The following NEURL1 variants were observed in gnomAD, a reference collection of about 807,000 sequenced individuals.
NEURL1 encodes the protein neuralized E3 ubiquitin protein ligase 1, also known as E3 ubiquitin-protein ligase NEURL1.
In NEURL1, 26 loss-of-function variants were observed where a neutral mutation model predicts 41.2. The ratio of observed to expected loss-of-function variants is 0.63; its 90% CI spans 0.46 to 0.87. NEURL1 has a LOEUF of 0.87. Among genes scored for constraint, NEURL1 ranks in the 40% least tolerant of loss-of-function variants. The pLI is 0.00. For missense variants in NEURL1, 761 were observed against 871.1 expected, an observed-to-expected ratio of 0.87 and a Z score of 1.59; for synonymous variants, 400 against 402.3, an observed-to-expected ratio of 0.99 and a Z score of 0.07.
At chr10:103,562,690 G>T (rs557245350) in intron 1 of NEURL1, among the ~76,000 whole-genome samples, 1 of 152,180 alleles carries the variant, frequency 6.6e-6, no homozygotes, top group Admixed American at 6.5e-5. Context: ...CTCTGTTAGG[G>T]GGCTGATGGG....
intron 1 of NEURL1, among the ~76,000 whole-genome samples, chr10:103,540,452 G>C (rs913248063): frequency 3.0e-4 from 38 of 128,614 alleles, no homozygotes; most frequent in Non-Finnish European, 6.6e-4. Flanking sequence ...ACCACACCTG[G>C]CTAATTTTTG....
At chr10:103,577,722 C>T (rs1477715202) in intron 3 of NEURL1, 1 of 152,230 alleles carries the variant, frequency 6.6e-6, no homozygotes. Flanking sequence ...GCCACCAGGG[C>T]CCCAGCAGTG....
chr10:103,549,688 C>G (rs2034994638), intron 1 of NEURL1, among the ~76,000 whole-genome samples: 1 of 152,236 alleles, frequency 6.6e-6, no homozygotes, highest in African/African-American at 2.4e-5. Flanking sequence ...GGGGCTGCCT[C>G]CCAGCTCCTC....
intron 4 of NEURL1, among the ~76,000 whole-genome samples, chr10:103,585,950 GA>G (rs1257260568): frequency 6.6e-6 from 1 of 151,938 alleles, no homozygotes; most frequent in Non-Finnish European, 1.5e-5. Context: ...GTCCAAATGA[GA>G]AAAAAAGGTT....
At chr10:103,574,533 T>A (rs1274792693) in intron 3 of NEURL1, among the ~76,000 whole-genome samples, 1 of 151,916 alleles carries the variant, frequency 6.6e-6, no homozygotes, top group Non-Finnish European at 1.5e-5. Context: ...GGTTTAAACA[T>A]AAAAGGAGGC....
intron 3 of NEURL1, among the ~76,000 whole-genome samples, chr10:103,582,407 C>G (rs538939461): frequency 6.6e-6 from 1 of 152,326 alleles, no homozygotes; most frequent in African/African-American, 2.4e-5. Flanking sequence ...TGCACCATCA[C>G]TGTCACAGAG....
intron 1 of NEURL1, among the ~76,000 whole-genome samples, chr10:103,536,542 GTC>G (rs147819320): frequency 4.0e-5 from 6 of 150,814 alleles, no homozygotes; most frequent in African/African-American, 4.9e-5. Flanking sequence ...GAAACTGCAT[GTC>G]TCTCTCTCTC....
intron 1 of NEURL1, among the ~76,000 whole-genome samples, chr10:103,531,874 T>C (rs926761776): frequency 6.6e-6 from 1 of 152,184 alleles, no homozygotes; most frequent in African/African-American, 2.4e-5. Context: ...GGATGCTCCA[T>C]TGTTTGGCAC....
At chr10:103,513,246 C>G (rs1405399644) in intron 1 of NEURL1, among the ~76,000 whole-genome samples, 1 of 152,256 alleles carries the variant, frequency 6.6e-6, no homozygotes, top group Non-Finnish European at 1.5e-5. Flanking sequence ...CAAGCAGGCA[C>G]ATTTTCATTT....
intron 1 of NEURL1, among the ~76,000 whole-genome samples, chr10:103,565,085 G>A (rs1300115004): frequency 6.6e-6 from 1 of 152,180 alleles, no homozygotes; most frequent in East Asian, 1.9e-4. Flanking sequence ...GTGGACAGGA[G>A]AGGACAGAAC....
At chr10:103,543,052 G>A (rs1293569563) in intron 1 of NEURL1, among the ~76,000 whole-genome samples, 3 of 152,162 alleles carry the variant, frequency 2.0e-5, no homozygotes, top group African/African-American at 4.8e-5. Flanking sequence ...GTTTGAAGGC[G>A]CTGCTATAAA....
rs1248287237 is a variant in NEURL1 at position 103,590,141 on chromosome 10, C to A, written c.1494C>A (p.Ala498=). 2 of 1,613,772 alleles carry A rather than the reference C, an allele frequency of 1.2e-6. No individual in the cohort carries two copies. Among genetic ancestry groups the A allele is most frequent in the Admixed American group, 3.3e-5 (2 of 60,034 alleles). The stretch of plus-strand genomic sequence containing the variant: ...GTGCCCCCTTGTCCTCAGGGACAGC[C>A]CCCAATTCGCCAGTGAGCCTGCCCG... ...GPLGSSAGGT[A]PNSPVSLPES... The change falls in exon 6 of 6, where the codon GCC becomes GCA. Residue 498 remains alanine (A), a synonymous_variant. Coordinates refer to ENST00000369780, the MANE Select transcript of NEURL1 (RefSeq NM_004210.5).
At chr10:103,503,328 G>A (rs1228446375) in intron 1 of NEURL1, among the ~76,000 whole-genome samples, 1 of 152,170 alleles carries the variant, frequency 6.6e-6, no homozygotes. Flanking sequence ...ACACTTGTAG[G>A]GGGTAAGAGG....
Position 103,584,526 on chromosome 10 carries a change from T to C in NEURL1, c.650-10T>C. The C allele has an allele frequency of 7.4e-7, 1 of 1,351,772 alleles. No homozygotes were observed. 83.7% of individuals were successfully genotyped at this position (1,351,772 alleles called of 1,614,324 possible). A position where few individuals can be genotyped will look rare whatever the true frequency, so the allele number is the denominator to read the frequency against. ...GCCCTGCGTGACACTGCCCCGTGTCTCCCGCGCAGATAGCGAGCTGGTGCT... is the reference window on the plus strand; with the variant it reads ...GCCCTGCGTGACACTGCCCCGTGTCCCCCGCGCAGATAGCGAGCTGGTGCT... On this transcript the variant is annotated splice_polypyrimidine_tract_variant and intron_variant, in intron 3 of 5. Coordinates refer to ENST00000369780, the MANE Select transcript of NEURL1 (RefSeq NM_004210.5).
rs199507586 is a variant in NEURL1, at chr10:103,559,846, GCA to G, written c.86-11015_86-11014del. Among the ~76,000 whole-genome samples, 1,132 of 143,622 alleles carry G rather than the reference GCA, an allele frequency of 7.9e-3. 35 individuals carry two copies. The East Asian group carries it at 0.12, about 15-fold the overall frequency. The allele number at this position is 143,622 out of a possible 152,430, so 94.2% of individuals were successfully genotyped here. On this transcript the variant is annotated intron_variant, in intron 1 of 5. Transcript: ENST00000369780. ...CCAGTGCATGCACACACATATGTGC[GCA>G]CACACACACATGTACATGTACACAT...
chr10:103,503,627 G>A (rs1055156912), intron 1 of NEURL1, among the ~76,000 whole-genome samples: 10 of 152,206 alleles, frequency 6.6e-5, no homozygotes, highest in Admixed American at 1.3e-4. Context: ...TCCTGGGCAC[G>A]CCGATACGGT....
chr10:103,574,032 A>C (rs2035604433), intron 3 of NEURL1, among the ~76,000 whole-genome samples: 2 of 152,066 alleles, frequency 1.3e-5, no homozygotes, highest in African/African-American at 4.8e-5. Flanking sequence ...TCCAGAGTGG[A>C]GGCTTCTGCC....
intron 1 of NEURL1, among the ~76,000 whole-genome samples, chr10:103,557,418 TC>T (rs2035180517): frequency 6.6e-6 from 1 of 152,088 alleles, no homozygotes. Flanking sequence ...GGCAGGAGGA[TC>T]ACTTGCGGTG....
At position 103,545,031 on chromosome 10, in the gene NEURL1, C is replaced by T. The variant is rs916233561; in HGVS notation, c.86-25841C>T. 3.7e-4 allele frequency among the ~76,000 whole-genome samples: 56 copies of T among 152,170 alleles called. No individual in the cohort carries two copies. The highest frequency in any genetic ancestry group is 7.6e-4 in the Non-Finnish European group (52 of 68,030). On this transcript the variant is annotated intron_variant, in intron 1 of 5. Transcript: ENST00000369780. This position sits in a 1 kb window ranked among gnomAD's most constrained non-coding sequence, Gnocchi z 4.5. The stretch of plus-strand genomic sequence containing the variant: ...CTGGGGTCTCTGAAGGAAGTAATCC[C>T]GAAGAGGGAGGTGTCGGGGGACAGG...
Sources: gnomAD v4.1 joint callset for allele counts (sites outside exome capture counted in the v4.1 genomes callset) on GRCh38, gnomAD v4.1.1 for gene constraint, Gnocchi (gnomAD v3.1) non-coding constraint, MANE v1.5 for transcripts, NCBI Gene and HGNC (gene_info 2026-07-23, HGNC 2026-07-21) for gene names.